The following SORCS3 variants were observed in gnomAD, a reference collection of about 807,000 sequenced individuals.
SORCS3 encodes the protein VPS10 domain-containing receptor SorCS3.
A neutral mutation model predicts 146.3 loss-of-function variants in SORCS3; 57 were observed. The observed-to-expected ratio is 0.39, with a 90% CI of 0.31 to 0.49. SORCS3 has a LOEUF of 0.49. Among genes scored for constraint, SORCS3 ranks in the 20% least tolerant of loss-of-function variants. SORCS3 has a pLI of 0.92. For missense variants in SORCS3, 1,341 were observed against 1,575.5 expected, an observed-to-expected ratio of 0.85 and a Z score of 2.52; for synonymous variants, 653 against 618.5, an observed-to-expected ratio of 1.06 and a Z score of -0.83.
intron 4 of SORCS3, among the ~76,000 whole-genome samples, chr10:105,004,000 C>CTTTTTTTTTTTTTTTTTTTT (rs1226455197): frequency 4.3e-5 from 6 of 140,284 alleles, no homozygotes; most frequent in Non-Finnish European, 7.6e-5. Flanking sequence ...TCTTCTCTCT[C>CTTTTTTTTTTTTTTTTTTTT]TTTTTTTTTT....
intron 1 of SORCS3, among the ~76,000 whole-genome samples, chr10:104,677,684 G>A (rs903508836): frequency 6.6e-6 from 1 of 152,148 alleles, no homozygotes; most frequent in Non-Finnish European, 1.5e-5. Context: ...CTCAGAGGAC[G>A]AAATGTGGCA....
chr10:104,695,082 C>T (rs1589460593), intron 1 of SORCS3, among the ~76,000 whole-genome samples: 1 of 152,140 alleles, frequency 6.6e-6, no homozygotes, highest in Non-Finnish European at 1.5e-5. Context: ...TCATGTCAAA[C>T]TTCATTATCA....
intron 18 of SORCS3, 76 bp downstream of exon 18, chr10:105,214,689 A>G (rs2056655131): frequency 7.4e-7 from 1 of 1,354,566 alleles, no homozygotes; most frequent in African/African-American, 1.5e-5. Context: ...AAGATCTTAC[A>G]TTCCCACAGA....
At chr10:104,738,391 T>G (rs889255257) in intron 1 of SORCS3, among the ~76,000 whole-genome samples, 2 of 152,248 alleles carry the variant, frequency 1.3e-5, no homozygotes, top group Non-Finnish European at 2.9e-5. Flanking sequence ...CGAGGCACTT[T>G]CCAGAAACAG....
chr10:104,977,184 A>G, intron 3 of SORCS3, 151 bp from the exon 4 acceptor site: 2 of 491,230 alleles, frequency 4.1e-6, no homozygotes, highest in Middle Eastern at 5.8e-4. Context: ...AAATCAGGAG[A>G]AAAGTTAATA....
chr10:105,033,212 T>C (rs1050503651), intron 4 of SORCS3, among the ~76,000 whole-genome samples: 4 of 152,238 alleles, frequency 2.6e-5, no homozygotes, highest in African/African-American at 9.6e-5. Flanking sequence ...CTGCCATTCA[T>C]GCACAGCATA....
rs573683855 is a variant in SORCS3 at position 104,879,390 on chromosome 10, T to A, written c.696-36443T>A. 3.9e-5 allele frequency among the ~76,000 whole-genome samples: 6 copies of A among 152,186 alleles called. No individual in the cohort carries two copies. In the East Asian group the frequency reaches 9.7e-4, roughly 25 times the overall value. On this transcript the variant is annotated intron_variant, in intron 2 of 26. Transcript: ENST00000369701. ...GGCCAAGTCCTTCTCACCTCACCAC[T>A]CTCTGACCCACTGCAGCTGAAAAAA... is the stretch of plus-strand genomic sequence containing the variant.
intron 5 of SORCS3, among the ~76,000 whole-genome samples, chr10:105,047,656 G>A (rs556247512): frequency 3.1e-4 from 47 of 152,200 alleles, no homozygotes; most frequent in Non-Finnish European, 6.0e-4. Flanking sequence ...TGTGTATCTT[G>A]AAGACTGCTG....
chr10:104,804,741 A>G (rs2017662882), intron 1 of SORCS3, among the ~76,000 whole-genome samples: 1 of 152,218 alleles, frequency 6.6e-6, no homozygotes, highest in African/African-American at 2.4e-5. Flanking sequence ...ATAGAATAAG[A>G]TTTGGAGATT....
chr10:104,666,001 C>T (rs145906307), intron 1 of SORCS3: 3 of 152,234 alleles, frequency 2.0e-5, no homozygotes, highest in East Asian at 3.9e-4. Context: ...CTGGTGGTCA[C>T]TGCCTCTTGT....
intron 8 of SORCS3, among the ~76,000 whole-genome samples, chr10:105,145,760 C>T (rs1296136081): frequency 6.6e-6 from 1 of 152,068 alleles, no homozygotes; most frequent in African/African-American, 2.4e-5. Context: ...TGTGTAAGCA[C>T]AAATGAGCAA....
At chr10:105,013,308 C>G (rs1191096215) in intron 4 of SORCS3, among the ~76,000 whole-genome samples, 1 of 152,004 alleles carries the variant, frequency 6.6e-6, no homozygotes, top group Non-Finnish European at 1.5e-5. Flanking sequence ...TAAAACATTA[C>G]AAACTCTTTT....
chr10:104,984,402 A>G (rs1253272330), intron 4 of SORCS3, among the ~76,000 whole-genome samples: 1 of 152,164 alleles, frequency 6.6e-6, no homozygotes, highest in Non-Finnish European at 1.5e-5. Context: ...ATTTTGAAAT[A>G]GTATTGATGG....
chr10:104,687,011 A>G (rs534900794), intron 1 of SORCS3, among the ~76,000 whole-genome samples: 5 of 152,058 alleles, frequency 3.3e-5, no homozygotes, highest in South Asian at 2.1e-4. Flanking sequence ...CCTTCCATCT[A>G]TCTATTCATC....
intron 15 of SORCS3, 28 bp from the exon 16 acceptor site, chr10:105,201,092 C>G: frequency 1.9e-6 from 3 of 1,606,178 alleles, no homozygotes; most frequent in Non-Finnish European, 2.5e-6. Context: ...GTTTTTCTGT[C>G]TCTCACACTA....
intron 3 of SORCS3, among the ~76,000 whole-genome samples, chr10:104,929,417 C>A (rs1368484369): frequency 6.6e-6 from 1 of 152,134 alleles, no homozygotes. Context: ...TTTATATCAG[C>A]AAATATATAG....
chr10:104,994,308 G>A (rs1201103592), intron 4 of SORCS3, among the ~76,000 whole-genome samples: 1 of 152,114 alleles, frequency 6.6e-6, no homozygotes, highest in African/African-American at 2.4e-5. Flanking sequence ...CTACAAAAAT[G>A]TTTGATATGA....
intron 5 of SORCS3, among the ~76,000 whole-genome samples, chr10:105,076,651 A>T (rs2055591305): frequency 6.6e-6 from 1 of 152,060 alleles, no homozygotes; most frequent in African/African-American, 2.4e-5. Context: ...CCTCTCTTTT[A>T]TACCCACTTT....
intron 1 of SORCS3, among the ~76,000 whole-genome samples, chr10:104,793,776 G>T (rs1408519330): frequency 6.6e-6 from 1 of 152,206 alleles, no homozygotes; most frequent in Non-Finnish European, 1.5e-5. Flanking sequence ...TATACCTGTA[G>T]TTCTAAAGGT....
Sources: gnomAD v4.1 joint callset for allele counts (sites outside exome capture counted in the v4.1 genomes callset) on GRCh38, gnomAD v4.1.1 for gene constraint, MANE v1.5 for transcripts, NCBI Gene and HGNC (gene_info 2026-07-23, HGNC 2026-07-21) for gene names.